Variants in NBAS observed in about 807,000 individuals in gnomAD.
NBAS encodes NAG/BC035112 fusion.
In NBAS, 219 loss-of-function variants were observed where a neutral mutation model predicts 302.5. The observed-to-expected ratio is 0.72, with a 90% CI of 0.65 to 0.81. The LOEUF is 0.81. NBAS is among the 30% of genes least tolerant of loss of function. The pLI, the probability that NBAS is intolerant of heterozygous loss-of-function variation, is 0.00. For synonymous variants in NBAS, 1,118 were observed against 1,021.6 expected, an observed-to-expected ratio of 1.09 and a Z score of -1.80; for missense variants, 2,932 against 2,841.6, an observed-to-expected ratio of 1.03 and a Z score of -0.72.
At chr2:15,397,153 T>C (rs905983803) in intron 26 of NBAS, among the ~76,000 whole-genome samples, 7 of 152,128 alleles carry the variant, frequency 4.6e-5, no homozygotes, top group African/African-American at 1.7e-4. Context: ...GTAGGGAAGA[T>C]TAAGTATGGC....
At chr2:14,937,472 G>C in the NBAS span, among the ~76,000 whole-genome samples, 1 of 152,182 alleles carries the variant, frequency 6.6e-6, no homozygotes, top group Non-Finnish European at 1.5e-5. Context: ...TCCTGCAGTA[G>C]ATGAGTTTCA....
chr2:15,078,720 G>A, the NBAS span, among the ~76,000 whole-genome samples: 3 of 152,272 alleles, frequency 2.0e-5, no homozygotes, highest in East Asian at 5.8e-4. Flanking sequence ...GCTTGGCACT[G>A]TAAAAAAATT....
chr2:15,430,695 G>A (rs914790648), intron 21 of NBAS, among the ~76,000 whole-genome samples: 11 of 152,158 alleles, frequency 7.2e-5, no homozygotes, highest in Non-Finnish European at 1.3e-4. Context: ...ATACTAAACT[G>A]CCTGTAGAAA....
chr2:15,327,047 T>C (rs1672102686), intron 38 of NBAS, among the ~76,000 whole-genome samples: 1 of 139,668 alleles, frequency 7.2e-6, no homozygotes, highest in East Asian at 2.8e-4. Flanking sequence ...TGGCCAGTAA[T>C]ACAATAAAAA....
At chr2:15,119,254 C>T in the NBAS span, among the ~76,000 whole-genome samples, 2 of 151,858 alleles carry the variant, frequency 1.3e-5, no homozygotes, top group African/African-American at 4.8e-5. Context: ...GAGAGTGAGA[C>T]CTGGTCTCTT....
chr2:15,038,984 G>A, the NBAS span, among the ~76,000 whole-genome samples: 1 of 152,148 alleles, frequency 6.6e-6, no homozygotes, highest in African/African-American at 2.4e-5. Context: ...TCTCTGCTCT[G>A]GCTCCTGACA....
intron 21 of NBAS, among the ~76,000 whole-genome samples, chr2:15,438,807 C>A (rs1480326042): frequency 6.6e-6 from 1 of 152,072 alleles, no homozygotes; most frequent in Non-Finnish European, 1.5e-5. Context: ...TCCCTCTAGT[C>A]ATTGACTAAG....
chr2:15,154,056 G>C, the NBAS span, among the ~76,000 whole-genome samples: 1 of 152,196 alleles, frequency 6.6e-6, no homozygotes, highest in African/African-American at 2.4e-5. Context: ...GCCAGCTCTG[G>C]CATGTAGGGC....
At chr2:15,012,577 CA>C in the NBAS span, among the ~76,000 whole-genome samples, 2 of 152,080 alleles carry the variant, frequency 1.3e-5, no homozygotes, top group South Asian at 4.1e-4. Context: ...AGATTTAACC[CA>C]AACAGCTTTT....
At chr2:15,241,929 G>A (rs1667884078) in intron 44 of NBAS, among the ~76,000 whole-genome samples, 1 of 152,138 alleles carries the variant, frequency 6.6e-6, no homozygotes, top group African/African-American at 2.4e-5. Context: ...CTGACTCTTT[G>A]TCATTACCTG....
intron 38 of NBAS, among the ~76,000 whole-genome samples, chr2:15,326,907 A>C (rs559096979): frequency 6.6e-6 from 1 of 152,152 alleles, no homozygotes; most frequent in Admixed American, 6.6e-5. Flanking sequence ...CATCTAAAAT[A>C]AGCTATAGTA....
intron 21 of NBAS, among the ~76,000 whole-genome samples, chr2:15,458,789 C>A (rs1679369268): frequency 6.6e-6 from 1 of 152,082 alleles, no homozygotes; most frequent in South Asian, 2.1e-4. Context: ...CTATTTACAA[C>A]TATACAAAAA....
rs767657601 is a variant in NBAS at position 15,179,074 on chromosome 2, G to A, written c.6754C>T (p.Leu2252=). ...AGGAGAAGTTTCAGAGATGGAAGCA[G>A]GAGGGACTGGTTAAGCAGCAGCAGA... ...LCLLLLNQSL[L]LPSLKLLLES... Residue 2252 remains leucine, a synonymous_variant, in exon 51 of 52, where the codon CTG becomes TTG. Transcript: ENST00000281513. The A allele has an allele frequency of 1.3e-5, 21 of 1,614,192 alleles. No homozygotes were observed. The South Asian group carries it at 2.0e-4, about 15-fold the overall frequency.
At chr2:14,915,919 CTA>C in the NBAS span, among the ~76,000 whole-genome samples, 1 of 152,104 alleles carries the variant, frequency 6.6e-6, no homozygotes, top group Non-Finnish European at 1.5e-5. Context: ...CTACTGCCAT[CTA>C]CATAAGATGT....
intron 9 of NBAS, among the ~76,000 whole-genome samples, chr2:15,530,742 A>G (rs1663176706): frequency 6.6e-6 from 1 of 152,102 alleles, no homozygotes; most frequent in Admixed American, 6.5e-5. Flanking sequence ...AAAGAAAAAA[A>G]AATGAAGAGG....
intron 48 of NBAS, among the ~76,000 whole-genome samples, chr2:15,197,660 G>C (rs1410580298): frequency 1.3e-5 from 2 of 152,118 alleles, no homozygotes; most frequent in East Asian, 3.8e-4. Context: ...GCCCTCTCTT[G>C]TTACTCTCAG....
At chr2:14,789,769 G>C in the NBAS span, among the ~76,000 whole-genome samples, 6,225 of 152,218 alleles carry the variant, frequency 0.041, 165 homozygotes, top group Non-Finnish European at 0.058. Context: ...TGTTTATGGG[G>C]CCATCTCCCC....
In NBAS at chr2:15,351,450, G is replaced by C. The variant is rs149417748; in HGVS notation, c.4179+542C>G. Among the ~76,000 whole-genome samples, 4 of 152,244 alleles carry C rather than the reference G, an allele frequency of 2.6e-5. No individual in the cohort carries two copies. The East Asian group carries it at 7.7e-4, about 29-fold the overall frequency. On this transcript the variant is annotated intron_variant, in intron 35 of 51. Coordinates refer to ENST00000281513, the MANE Select transcript of NBAS (RefSeq NM_015909.4). The stretch of plus-strand genomic sequence containing the variant: ...CACGCACTTTGGAAGGCTGAAGAGG[G>C]TGGATCACTTAAGGTCAGGAGTTCG...
chr2:15,536,690 C>T, intron 7 of NBAS, 139 bp from the exon 8 acceptor site: 2 of 824,680 alleles, frequency 2.4e-6, no homozygotes, highest in Non-Finnish European at 3.8e-6. Context: ...TCTGTATACT[C>T]AAGAATCATG....
Sources: gnomAD v4.1 joint callset for allele counts (sites outside exome capture counted in the v4.1 genomes callset) on GRCh38, gnomAD v4.1.1 for gene constraint, MANE v1.5 for transcripts, NCBI Gene and HGNC (gene_info 2026-07-23, HGNC 2026-07-21) for gene names.